The following FGD2 variants were observed in gnomAD, a reference collection of about 807,000 sequenced individuals.
FGD2 encodes the protein FYVE, RhoGEF and PH domain-containing protein 2.
A neutral mutation model predicts 75.9 loss-of-function variants in FGD2; 52 were observed. That is an observed-to-expected ratio of 0.69 (90% CI 0.55 to 0.86). The LOEUF is 0.86. FGD2 is among the 40% of genes least tolerant of loss of function. FGD2 has a pLI of 0.00. For missense variants in FGD2, 790 were observed against 872.0 expected (o/e 0.91, Z 1.18); for synonymous variants, 347 against 348.6 (o/e 1.00, Z 0.05).
intron 1 of FGD2, among the ~76,000 whole-genome samples, chr6:37,008,150 G>A (rs1001776091): frequency 2.0e-5 from 3 of 152,178 alleles, no homozygotes; most frequent in Admixed American, 2.0e-4. Flanking sequence ...TTCCTGGCCT[G>A]TCTTTCTCAT....
intron 13 of FGD2, chr6:37,025,172 C>T (rs1237370321): frequency 6.5e-6 from 1 of 152,898 alleles, no homozygotes; most frequent in African/African-American, 2.4e-5. Context: ...GTGGGCCCCG[C>T]TCCACAGAGT....
intron 9 of FGD2, 138 bp downstream of exon 9, chr6:37,015,998 G>C (rs746946235): frequency 9.0e-6 from 7 of 779,212 alleles, no homozygotes; most frequent in Non-Finnish European, 1.4e-5. Flanking sequence ...AGATGGAAGA[G>C]TGTGGGGCTC....
intron 6 of FGD2, 117 bp from the exon 7 acceptor site, chr6:37,014,529 G>T (rs1208059984): frequency 8.4e-7 from 1 of 1,186,272 alleles, no homozygotes; most frequent in Non-Finnish European, 1.2e-6. Context: ...AGGCAGGGCT[G>T]CTCCTGGGGG....
chr6:37,017,214 G>A (rs1322049513), intron 9 of FGD2, among the ~76,000 whole-genome samples: 4 of 152,074 alleles, frequency 2.6e-5, no homozygotes, highest in East Asian at 3.9e-4. Flanking sequence ...CAGATGCACC[G>A]GAATTTCTTC....
At chr6:37,026,106 C>T in intron 14 of FGD2, 168 bp downstream of exon 14, 4 of 985,438 alleles carry the variant, frequency 4.1e-6, no homozygotes, top group Non-Finnish European at 4.8e-6. Context: ...AGGCCTCTCG[C>T]CACAGCCCAG....
At chr6:37,014,799 G>A in intron 7 of FGD2, 93 bp from the exon 8 acceptor site, 1 of 1,608,832 alleles carries the variant, frequency 6.2e-7, no homozygotes, top group Non-Finnish European at 8.5e-7. Flanking sequence ...TGCCCTCACT[G>A]TTACCCCCCA....
Position 37,011,948 on chromosome 6 carries a change from C to T in FGD2, c.527+94C>T, listed in dbSNP as rs1583297031. 2.1e-5 allele frequency: 30 copies of T among 1,409,012 alleles called. No individual in the cohort carries two copies. In the East Asian group the frequency reaches 7.1e-4, roughly 33 times the overall value. The allele number at this position is 1,409,012 out of a possible 1,614,324, so 87.3% of individuals were successfully genotyped here. On this transcript the variant is annotated intron_variant, in intron 4 of 15. Coordinates refer to ENST00000274963, the MANE Select transcript of FGD2 (RefSeq NM_173558.4). ...AGGGCGCTAGGTTCAGCCTCCTAGG[C>T]CCAGGCCCTTATTGTGTGGCCATGC...
chr6:37,013,416 T>G (rs1015321327), intron 4 of FGD2, 193 bp from the exon 5 acceptor site: 28 of 1,393,486 alleles, frequency 2.0e-5, no homozygotes, highest in Middle Eastern at 2.7e-4. Context: ...AGAACAGCCT[T>G]TGGCCTCAGG....
At chr6:37,009,121 C>A in intron 2 of FGD2, 56 bp downstream of exon 2, 1 of 1,519,138 alleles carries the variant, frequency 6.6e-7, no homozygotes, top group Non-Finnish European at 9.0e-7. Flanking sequence ...CTCTCCCTGA[C>A]CTCCCCTCCA....
chr6:37,014,910 T>C lies in FGD2; in HGVS notation c.901T>C (p.Trp301Arg). The part of the protein sequence containing the change: ...ITEMERLQDL[W>R]EVYQRLGLED... ...CCCCTAGGAGCGGCTGCAGGACCTG[T>C]GGGAGGTGTACCAGCGCCTGGGCCT... The change falls in exon 8 of 16, where the codon TGG becomes CGG. Residue 301 changes from tryptophan to arginine, a missense_variant. Physicochemically the swap from Trp to Arg is moderately radical, Grantham distance 101 (BLOSUM62 -3). Transcript: ENST00000274963. 1 of 1,613,974 alleles carries C rather than the reference T, an allele frequency of 6.2e-7. No individual in the cohort carries two copies. The highest frequency in any genetic ancestry group is 8.5e-7 in the Non-Finnish European group (1 of 1,179,952).
chr6:37,015,335 G>A lies in FGD2; in HGVS notation c.1029+297G>A, dbSNP rs761359965. ...GATATTAATCTGTGCTCTAGAGAGC[G>A]CACAGCAGGAAGGAGTAAGGTTAGC... On this transcript the variant is annotated intron_variant, in intron 8 of 15. Coordinates refer to ENST00000274963, the MANE Select transcript of FGD2 (RefSeq NM_173558.4). 1.4e-4 allele frequency among the ~76,000 whole-genome samples: 22 copies of A among 152,306 alleles called. No individual in the cohort carries two copies. In the Middle Eastern group the frequency reaches 0.014, roughly 94 times the overall value.
Position 37,020,617 on chromosome 6 carries a change from C to G in FGD2, c.1199C>G (p.Ala400Gly), listed in dbSNP as rs774894854. The G allele has an allele frequency of 5.6e-6, 9 of 1,601,860 alleles. No individual in the cohort carries two copies. The African/African-American group carries it at 1.1e-4, about 19-fold the overall frequency. Residue 400 changes from alanine (A) to glycine (G), a missense_variant, in exon 10 of 16, where the codon GCC (alanine) becomes GGC (glycine). Physicochemically the swap from Ala to Gly is moderately conservative, Grantham distance 60 (BLOSUM62 0). Transcript: ENST00000274963. ...SGKQRTLELQ[A>G]RSQEEMISWM... ...AAGCAGCGCACCCTGGAGCTGCAAG[C>G]CCGGTAAAGGAGCTGGGGTGGCGGC...
At chr6:37,015,958 C>T in intron 9 of FGD2, 98 bp downstream of exon 9, 1 of 1,114,706 alleles carries the variant, frequency 9.0e-7, no homozygotes, top group Non-Finnish European at 1.3e-6. Flanking sequence ...ATCACAGAAC[C>T]AAACCCTTGC....
rs1298559092 is a variant in FGD2, at chr6:37,022,266, G to A, written c.1354G>A (p.Ala452Thr). ...ELQSEELGLR[A>T]PQWVRDKMVT... ...GCAGTCTGAGGAGCTGGGCCTCCGG[G>A]CACCGCAGTGGGTCCGGGACAAGAT... Residue 452 changes from alanine (A) to threonine (T), a missense_variant, in exon 13 of 16, where the codon GCA (alanine) becomes ACA (threonine). By Grantham distance (58) the Ala-to-Thr change is moderately conservative (BLOSUM62 0). Coordinates refer to ENST00000274963, the MANE Select transcript of FGD2 (RefSeq NM_173558.4). 5.7e-6 allele frequency: 9 copies of A among 1,592,258 alleles called. No individual in the cohort carries two copies. The highest frequency in any genetic ancestry group is 2.3e-5 in the East Asian group (1 of 43,032).
In FGD2 at chr6:37,011,027, G is replaced by A. The variant is rs1252270472; in HGVS notation, c.355G>A (p.Ala119Thr). 1 of 1,614,176 alleles carries A rather than the reference G, an allele frequency of 6.2e-7. No homozygotes were observed. Residue 119 changes from alanine (A) to threonine (T), a missense_variant, in exon 3 of 16, where the codon GCG becomes ACG. By Grantham distance (58) the Ala-to-Thr change is moderately conservative (BLOSUM62 0). Transcript: ENST00000274963. ...ELLETEQAYV[A>T]RLHLLDQVFF... ...GCTGGAGACAGAGCAGGCCTATGTG[G>A]CGCGCCTCCACCTGCTAGACCAGGC...
At position 37,028,485 on chromosome 6, in the gene FGD2, C is replaced by T. The variant is rs1236703691; in HGVS notation, c.*322C>T. On this transcript the variant is annotated 3_prime_UTR_variant, in exon 16 of 16. Transcript: ENST00000274963. ...CCATAGTATGGTTTTTCATTTGTAT[C>T]TCCTGGGGAGCTTTTAAAGAGTACT... 2 of 330,630 alleles carry T rather than the reference C, an allele frequency of 6.0e-6. No homozygotes were observed. The highest frequency in any genetic ancestry group is 4.2e-5 in the African/African-American group (2 of 47,710). The allele number at this position is 330,630 out of a possible 1,614,324, so 20.5% of individuals were successfully genotyped here.
intron 2 of FGD2, 162 bp downstream of exon 2, chr6:37,009,227 C>G: frequency 1.6e-6 from 1 of 645,000 alleles, no homozygotes; most frequent in Non-Finnish European, 2.6e-6. Context: ...GCTTAATGGC[C>G]TTTGATTCAC....
Position 37,028,115 on chromosome 6 carries a change from C to T in FGD2, c.1920C>T (p.Ala640=). Residue 640 remains alanine, a synonymous_variant, in exon 16 of 16, where the codon GCC becomes GCT. Coordinates refer to ENST00000274963, the MANE Select transcript of FGD2 (RefSeq NM_173558.4). The stretch of plus-strand genomic sequence containing the variant: ...GGGTGAAGGCCATGGAGCGGGCGGC[C>T]AGTGGCTGGAGCCCCAGCTGGCCCA... ...GRWVKAMERA[A]SGWSPSWPND... is the part of the protein sequence containing the mutation. 6.2e-7 allele frequency: 1 copy of T among 1,609,804 alleles called. No homozygotes were observed. Among genetic ancestry groups the T allele is most frequent in the South Asian group, 1.1e-5 (1 of 90,876 alleles).
chr6:37,026,090 G>A (rs1765810728), intron 14 of FGD2, 152 bp downstream of exon 14: 1 of 1,457,822 alleles, frequency 6.9e-7, no homozygotes, highest in South Asian at 1.4e-5. Flanking sequence ...TCTGCCCACA[G>A]ACCCCAGGCC....
Sources: allele counts gnomAD v4.1 joint callset (sites outside exome capture counted in the v4.1 genomes callset), GRCh38; gene constraint gnomAD v4.1.1; transcripts MANE v1.5; gene names NCBI Gene and HGNC (gene_info 2026-07-23, HGNC 2026-07-21).